SPOCK1: variants seen among roughly 807,000 people sequenced by gnomAD.
SPOCK1 encodes SPARC (osteonectin), cwcv and kazal like domains proteoglycan 1.
Under a neutral mutation model 55.3 loss-of-function variants are expected in SPOCK1, and 23 were observed. That is an observed-to-expected ratio of 0.42 (90% CI 0.30 to 0.59). The LOEUF (loss-of-function observed/expected upper bound fraction) is 0.59. SPOCK1 is among the 20% of genes least tolerant of loss of function. The pLI is 0.22. For missense variants in SPOCK1, 499 were observed against 552.5 expected (o/e 0.90, Z 0.97); for synonymous variants, 226 against 221.0 (o/e 1.02, Z -0.20).
intron 5 of SPOCK1, among the ~76,000 whole-genome samples, chr5:137,098,057 G>A (rs970450014): frequency 6.6e-6 from 1 of 152,132 alleles, no homozygotes; most frequent in African/African-American, 2.4e-5. Flanking sequence ...TTGGGGAGGG[G>A]GTAATTAGTA....
At chr5:137,302,445 C>T (rs1296689861) in intron 2 of SPOCK1, among the ~76,000 whole-genome samples, 4 of 150,090 alleles carry the variant, frequency 2.7e-5, no homozygotes, top group African/African-American at 9.8e-5. Context: ...GGTGTGGTGG[C>T]ACGCACCTGT....
rs1042453148 is a variant in SPOCK1 at position 137,076,956 on chromosome 5, C to T, written c.475-9127G>A. ...TTTTTTTTTTTGAGACAGAGTCTCG[C>T]TCTGTTGCCCAGGCTGGAGTGCAGT... On this transcript the variant is annotated intron_variant, in intron 5 of 10. Transcript: ENST00000394945. 1.3e-4 allele frequency among the ~76,000 whole-genome samples: 20 copies of T among 152,194 alleles called. No individual in the cohort carries two copies. The East Asian group carries it at 3.7e-3, about 28-fold the overall frequency.
chr5:137,177,720 G>A (rs545332271), intron 3 of SPOCK1, among the ~76,000 whole-genome samples: 7 of 152,010 alleles, frequency 4.6e-5, no homozygotes, highest in African/African-American at 1.2e-4. Flanking sequence ...AAGAAGAAGG[G>A]GAGCCCCAAG....
At chr5:137,112,094 T>C (rs1462589588) in intron 5 of SPOCK1, among the ~76,000 whole-genome samples, 1 of 152,150 alleles carries the variant, frequency 6.6e-6, no homozygotes, top group African/African-American at 2.4e-5. Context: ...CCTTACTGGT[T>C]TGCTCCCCAT....
chr5:137,152,172 A>C (rs923172893), intron 3 of SPOCK1, among the ~76,000 whole-genome samples: 1 of 152,252 alleles, frequency 6.6e-6, no homozygotes, highest in African/African-American at 2.4e-5. Flanking sequence ...TAAGTGCCGT[A>C]TAACTTAAGT....
At chr5:137,363,715 A>G (rs565091412) in intron 2 of SPOCK1, among the ~76,000 whole-genome samples, 2 of 152,322 alleles carry the variant, frequency 1.3e-5, no homozygotes, top group Non-Finnish European at 2.9e-5. Context: ...AAATAAATAC[A>G]GGGGGATAAA....
chr5:137,015,124 A>AAAGT (rs1371254547), intron 6 of SPOCK1, among the ~76,000 whole-genome samples: 2 of 152,062 alleles, frequency 1.3e-5, no homozygotes, highest in African/African-American at 4.8e-5. Flanking sequence ...TAGTCTTGGG[A>AAAGT]AAGTAAAATT....
At chr5:137,440,164 T>C (rs773641479) in intron 2 of SPOCK1, among the ~76,000 whole-genome samples, 13 of 152,000 alleles carry the variant, frequency 8.6e-5, no homozygotes, top group Non-Finnish European at 1.8e-4. Context: ...ATAGTAATTA[T>C]AGACAAAATA....
intron 2 of SPOCK1, among the ~76,000 whole-genome samples, chr5:137,398,011 G>A (rs531864225): frequency 2.0e-5 from 3 of 152,070 alleles, no homozygotes; most frequent in African/African-American, 7.2e-5. Context: ...CTAGGATGGC[G>A]ATGGTAGGGT....
intron 2 of SPOCK1, among the ~76,000 whole-genome samples, chr5:137,468,373 G>C (rs1237500684): frequency 6.6e-6 from 1 of 152,178 alleles, no homozygotes; most frequent in Admixed American, 6.5e-5. Context: ...TTCCTGCAAG[G>C]CATTTGAATT....
At chr5:137,323,715 T>C (rs1019504125) in intron 2 of SPOCK1, among the ~76,000 whole-genome samples, 2 of 152,024 alleles carry the variant, frequency 1.3e-5, no homozygotes, top group African/African-American at 4.8e-5. Context: ...GGCCAACATG[T>C]ATGGGAAAAA....
intron 2 of SPOCK1, among the ~76,000 whole-genome samples, chr5:137,468,597 C>T (rs1753669840): frequency 6.6e-6 from 1 of 152,188 alleles, no homozygotes; most frequent in African/African-American, 2.4e-5. Flanking sequence ...TCTATTGATG[C>T]TGTGAAACCC....
chr5:137,002,113 A>G (rs574435944), intron 6 of SPOCK1, among the ~76,000 whole-genome samples: 3 of 152,342 alleles, frequency 2.0e-5, no homozygotes, highest in African/African-American at 7.2e-5. Flanking sequence ...ACTTGCTAAT[A>G]AAGTCTTTAA....
chr5:137,045,223 A>G (rs1752087450), intron 6 of SPOCK1, among the ~76,000 whole-genome samples: 1 of 141,162 alleles, frequency 7.1e-6, no homozygotes, highest in African/African-American at 2.7e-5. Flanking sequence ...CGCCACACTG[A>G]CTTCCACAAT....
chr5:137,477,416 C>T (rs563382407), intron 2 of SPOCK1, among the ~76,000 whole-genome samples: 3 of 151,914 alleles, frequency 2.0e-5, no homozygotes, highest in South Asian at 2.1e-4. Context: ...ACTGGGAAGG[C>T]GGTTGCAGAG....
At chr5:137,184,382 A>G (rs1755025354) in intron 3 of SPOCK1, among the ~76,000 whole-genome samples, 1 of 152,094 alleles carries the variant, frequency 6.6e-6, no homozygotes, top group South Asian at 2.1e-4. Flanking sequence ...CCCTGGGCCC[A>G]CACATGTTAC....
At chr5:137,179,864 C>T (rs1195029015) in intron 3 of SPOCK1, among the ~76,000 whole-genome samples, 1 of 152,112 alleles carries the variant, frequency 6.6e-6, no homozygotes, top group Non-Finnish European at 1.5e-5. Flanking sequence ...GGTCTTCTAC[C>T]CCCTTGTGTC....
intron 2 of SPOCK1, among the ~76,000 whole-genome samples, chr5:137,286,843 T>G (rs904591094): frequency 7.2e-5 from 11 of 152,190 alleles, no homozygotes; most frequent in African/African-American, 2.2e-4. Flanking sequence ...TGAATTAACC[T>G]ACATCATTAT....
At chr5:137,368,299 TG>T (rs959600331) in intron 2 of SPOCK1, among the ~76,000 whole-genome samples, 29 of 152,052 alleles carry the variant, frequency 1.9e-4, no homozygotes, top group African/African-American at 6.3e-4. Context: ...ACAAAAGACA[TG>T]GGGAGGAGGG....
Sources: gnomAD v4.1 joint callset for allele counts (sites outside exome capture counted in the v4.1 genomes callset) on GRCh38, gnomAD v4.1.1 for gene constraint, MANE v1.5 for transcripts, NCBI Gene and HGNC (gene_info 2026-07-23, HGNC 2026-07-21) for gene names.